SLC44A5: variants seen among roughly 807,000 people sequenced by gnomAD.
SLC44A5 encodes choline transporter-like protein 5.
In SLC44A5, 57 loss-of-function variants were observed where a neutral mutation model predicts 101.8. That is an observed-to-expected ratio of 0.56 (90% CI 0.45 to 0.70). The LOEUF (loss-of-function observed/expected upper bound fraction) is 0.70. Among genes scored for constraint, SLC44A5 ranks in the 30% least tolerant of loss-of-function variants. The pLI, the probability that SLC44A5 is intolerant of heterozygous loss-of-function variation, is 0.00. For synonymous variants in SLC44A5, 281 were observed against 290.9 expected (o/e 0.97, Z 0.35); for missense variants, 737 against 853.1 (o/e 0.86, Z 1.70).
At chr1:75,437,460 G>A (rs553522762) in intron 2 of SLC44A5, among the ~76,000 whole-genome samples, 2 of 152,206 alleles carry the variant, frequency 1.3e-5, no homozygotes, top group East Asian at 3.9e-4. Context: ...ATGAGCCAGT[G>A]ACATCATTTG....
At chr1:75,463,654 A>G (rs530046841) in intron 2 of SLC44A5, among the ~76,000 whole-genome samples, 1 of 152,274 alleles carries the variant, frequency 6.6e-6, no homozygotes, top group South Asian at 2.1e-4. Context: ...TTCCCCAGAC[A>G]AACAAAAGCT....
chr1:75,584,266 AG>A (rs761908907), intron 1 of SLC44A5, among the ~76,000 whole-genome samples: 2 of 152,222 alleles, frequency 1.3e-5, no homozygotes, highest in Non-Finnish European at 2.9e-5. Flanking sequence ...GGTTCATGAA[AG>A]TAAGAGCAGT....
At chr1:75,569,312 C>T (rs1442076126) in intron 1 of SLC44A5, among the ~76,000 whole-genome samples, 3 of 145,524 alleles carry the variant, frequency 2.1e-5, no homozygotes, top group African/African-American at 7.7e-5. Flanking sequence ...ATAATCATGG[C>T]TCACTGCAGC....
At chr1:75,432,669 T>C (rs1298800610) in intron 2 of SLC44A5, among the ~76,000 whole-genome samples, 2 of 152,152 alleles carry the variant, frequency 1.3e-5, no homozygotes, top group African/African-American at 4.8e-5. Context: ...AGCTTCATTT[T>C]GTAATATTGT....
chr1:75,455,675 AC>A (rs1666147217), intron 2 of SLC44A5, among the ~76,000 whole-genome samples: 1 of 152,080 alleles, frequency 6.6e-6, no homozygotes, highest in Non-Finnish European at 1.5e-5. Flanking sequence ...AAAACAAATA[AC>A]CCCATTGAAA....
At chr1:75,274,739 G>A (rs1272637612) in intron 6 of SLC44A5, among the ~76,000 whole-genome samples, 1 of 152,108 alleles carries the variant, frequency 6.6e-6, no homozygotes, top group Non-Finnish European at 1.5e-5. Flanking sequence ...GAGTCTTCAT[G>A]CATTCTAATA....
intron 3 of SLC44A5, among the ~76,000 whole-genome samples, chr1:75,349,247 G>A (rs543107089): frequency 3.3e-5 from 5 of 152,316 alleles, no homozygotes; most frequent in African/African-American, 4.8e-5. Context: ...GCCGAGGCAG[G>A]AGGATTGCTT....
At chr1:75,595,200 G>C (rs1189676213) in intron 1 of SLC44A5, among the ~76,000 whole-genome samples, 3 of 152,004 alleles carry the variant, frequency 2.0e-5, no homozygotes, top group Non-Finnish European at 4.4e-5. Flanking sequence ...ATGTGGAAAA[G>C]TCACCTATTA....
intron 1 of SLC44A5, among the ~76,000 whole-genome samples, chr1:75,594,967 C>A (rs1674554674): frequency 6.6e-6 from 1 of 151,816 alleles, no homozygotes; most frequent in Non-Finnish European, 1.5e-5. Flanking sequence ...ATTATAAATT[C>A]ATTTTAAAAC....
chr1:75,386,188 A>C (rs1661331322), intron 3 of SLC44A5, among the ~76,000 whole-genome samples: 1 of 152,074 alleles, frequency 6.6e-6, no homozygotes, highest in Admixed American at 6.6e-5. Context: ...TATTCAACAT[A>C]GTGTTGGAAG....
At chr1:75,330,143 G>A (rs1054275258) in intron 4 of SLC44A5, among the ~76,000 whole-genome samples, 23 of 71,502 alleles carry the variant, frequency 3.2e-4, no homozygotes, top group Non-Finnish European at 5.3e-4. Context: ...ACACACACAT[G>A]CATATACGTA....
the SLC44A5 span, among the ~76,000 whole-genome samples, chr1:75,693,995 G>T: frequency 6.6e-6 from 1 of 151,820 alleles, no homozygotes; most frequent in African/African-American, 2.4e-5. Flanking sequence ...TAAGTCTTGA[G>T]TTTTGCTGTG....
intron 2 of SLC44A5, among the ~76,000 whole-genome samples, chr1:75,486,563 C>T (rs77371195): frequency 0.097 from 14,734 of 152,132 alleles, 960 homozygotes; most frequent in Non-Finnish European, 0.15. Context: ...GGTTTAGAGT[C>T]GATCAGCCTT....
intron 4 of SLC44A5, among the ~76,000 whole-genome samples, chr1:75,337,484 A>G (rs896740380): frequency 6.6e-6 from 1 of 152,176 alleles, no homozygotes. Flanking sequence ...TTAGTTTTCT[A>G]TGTGTATTCA....
At chr1:75,214,114 T>C in intron 20 of SLC44A5, 125 bp from the exon 21 acceptor site, 1 of 663,116 alleles carries the variant, frequency 1.5e-6, no homozygotes, top group Non-Finnish European at 2.7e-6. Context: ...ATTTGGCAAT[T>C]GTTTTGCAAG....
chr1:75,416,014 C>T (rs896589057), intron 2 of SLC44A5, among the ~76,000 whole-genome samples: 1 of 152,146 alleles, frequency 6.6e-6, no homozygotes, highest in Non-Finnish European at 1.5e-5. Flanking sequence ...AAGAACATTC[C>T]ATTTTCTGAG....
intron 3 of SLC44A5, among the ~76,000 whole-genome samples, chr1:75,356,949 A>T (rs976984613): frequency 6.6e-6 from 1 of 152,196 alleles, no homozygotes; most frequent in South Asian, 2.1e-4. Flanking sequence ...AGTAGGCTAT[A>T]CCATCTAGAT....
intron 2 of SLC44A5, among the ~76,000 whole-genome samples, chr1:75,452,485 A>G (rs1228990620): frequency 6.6e-6 from 1 of 152,164 alleles, no homozygotes; most frequent in Non-Finnish European, 1.5e-5. Flanking sequence ...TAAAGCCCCC[A>G]CACAATAGAA....
At chr1:75,581,197 A>T (rs1159304397) in intron 1 of SLC44A5, among the ~76,000 whole-genome samples, 1 of 152,248 alleles carries the variant, frequency 6.6e-6, no homozygotes, top group East Asian at 1.9e-4. Flanking sequence ...AAGAGTATCA[A>T]AGACCATTCA....
Sources: allele counts gnomAD v4.1 joint callset (sites outside exome capture counted in the v4.1 genomes callset), GRCh38; gene constraint gnomAD v4.1.1; transcripts MANE v1.5; gene names NCBI Gene and HGNC (gene_info 2026-07-23, HGNC 2026-07-21).